The following RAB4B variants were observed in gnomAD, a reference collection of about 807,000 sequenced individuals.
RAB4B encodes ras-related protein Rab-4B.
A neutral mutation model predicts 28.3 loss-of-function variants in RAB4B; 15 were observed. The observed-to-expected ratio is 0.53, with a 90% CI of 0.35 to 0.82. RAB4B has a LOEUF of 0.82. RAB4B is among the 40% of genes least tolerant of loss of function. RAB4B has a pLI of 0.01. For synonymous variants in RAB4B, 108 were observed against 116.3 expected (o/e 0.93, Z 0.46); for missense variants, 244 against 288.5 (o/e 0.85, Z 1.12).
intron 1 of RAB4B, among the ~76,000 whole-genome samples, chr19:40,778,674 G>GT (rs2083018588): frequency 6.6e-6 from 1 of 152,082 alleles, no homozygotes; most frequent in Non-Finnish European, 1.5e-5. Flanking sequence ...GGCCTTAATG[G>GT]ATCTGGGCGG....
At chr19:40,786,643 C>G in intron 5 of RAB4B, 22 bp from the exon 6 acceptor site, 1 of 1,613,620 alleles carries the variant, frequency 6.2e-7, no homozygotes, top group Non-Finnish European at 8.5e-7. Flanking sequence ...GGGCCCTGAC[C>G]TCAGAGTGTG....
At chr19:40,780,326 G>T in intron 2 of RAB4B, 59 bp from the exon 3 acceptor site, 1 of 1,491,812 alleles carries the variant, frequency 6.7e-7, no homozygotes, top group South Asian at 1.2e-5. Flanking sequence ...GAGGATGGGG[G>T]ATCCTCTGAG....
chr19:40,779,093 A>C, intron 1 of RAB4B: 1 of 913,914 alleles, frequency 1.1e-6, no homozygotes, highest in Non-Finnish European at 1.3e-6. Context: ...AATAGACTGA[A>C]GGTCAGGAGC....
At chr19:40,785,197 G>A (rs1342200563) in intron 5 of RAB4B, among the ~76,000 whole-genome samples, 1 of 151,810 alleles carries the variant, frequency 6.6e-6, no homozygotes, top group East Asian at 1.9e-4. Context: ...GCAGCATACT[G>A]ACAACCCACA....
intron 3 of RAB4B, 123 bp from the exon 4 acceptor site, chr19:40,783,655 T>G: frequency 1.0e-5 from 9 of 881,648 alleles, no homozygotes; most frequent in Non-Finnish European, 1.4e-5. Context: ...CAAGGCCAGG[T>G]TTTGGGGGAT....
chr19:40,778,501 G>A (rs2083016595), intron 1 of RAB4B, 110 bp downstream of exon 1: 1 of 1,150,000 alleles, frequency 8.7e-7, no homozygotes, highest in East Asian at 3.1e-5. Flanking sequence ...GTGTGATGGA[G>A]GCAGGACCTA....
chr19:40,786,780 G>A lies in RAB4B; in HGVS notation c.526+20G>A, dbSNP rs768713944. The A allele has an allele frequency of 6.2e-6, 10 of 1,614,076 alleles. No homozygotes were observed. Among genetic ancestry groups the A allele is most frequent in the Non-Finnish European group, 8.5e-6 (10 of 1,179,976 alleles). On this transcript the variant is annotated intron_variant, in intron 6 of 7. Coordinates refer to ENST00000357052, the MANE Select transcript of RAB4B (RefSeq NM_016154.5). ...ACTCAGGTGAGGCCCCGACCGGCCC[G>A]AGTGGGAGCGAAGGGCAGGCCCGGG... is the stretch of plus-strand genomic sequence containing the variant.
intron 7 of RAB4B, among the ~76,000 whole-genome samples, chr19:40,793,648 G>A (rs1428963732): frequency 1.4e-5 from 2 of 147,768 alleles, no homozygotes; most frequent in African/African-American, 2.5e-5. Flanking sequence ...TGGCCTTGCC[G>A]GGCGCAGTGG....
At chr19:40,788,784 CTTTTTTTT>C (rs1173685187) in intron 7 of RAB4B, among the ~76,000 whole-genome samples, 1 of 84,232 alleles carries the variant, frequency 1.2e-5, no homozygotes. Context: ...GACAGGGTTT[CTTTTTTTT>C]TTTTTTTTTT....
chr19:40,791,996 G>A (rs2083164019), intron 7 of RAB4B, among the ~76,000 whole-genome samples: 1 of 152,184 alleles, frequency 6.6e-6, no homozygotes, highest in South Asian at 2.1e-4. Context: ...TTCTCTGGGG[G>A]ATGTGTATGT....
chr19:40,783,642 G>C (rs544889173), intron 3 of RAB4B, 136 bp from the exon 4 acceptor site: 1 of 748,130 alleles, frequency 1.3e-6, no homozygotes, highest in African/African-American at 1.8e-5. Flanking sequence ...ATGGTGACCC[G>C]ACCAAGGCCA....
At position 40,784,058 on chromosome 19, in the gene RAB4B, G is replaced by T; in HGVS notation, c.413G>T (p.Arg138Leu). The change falls in exon 5 of 8, where the codon CGC (arginine) becomes CTC (leucine). Residue 138 changes from arginine (R) to leucine (L), a missense_variant. Coordinates refer to ENST00000357052, the MANE Select transcript of RAB4B (RefSeq NM_016154.5). Reference protein sequence around the residue: ...EREVTFLEASRFAQENELMFL... With the variant: ...EREVTFLEASLFAQENELMFL... ...GAGGTCACTTTCCTGGAGGCCTCCC[G>T]CTTTGCCCAGGAGAATGGTGAGGGC... 1 of 1,612,476 alleles carries T rather than the reference G, an allele frequency of 6.2e-7. No individual in the cohort carries two copies. Among genetic ancestry groups the T allele is most frequent in the Non-Finnish European group, 8.5e-7 (1 of 1,178,848 alleles).
At chr19:40,778,689 T>A (rs1199910235) in intron 1 of RAB4B, among the ~76,000 whole-genome samples, 1 of 151,932 alleles carries the variant, frequency 6.6e-6, no homozygotes, top group African/African-American at 2.4e-5. Flanking sequence ...GGGCGGAGCC[T>A]GAGTGAAGGG....
Position 40,783,852 on chromosome 19 carries a change from G to A in RAB4B, c.275+12G>A. On this transcript the variant is annotated intron_variant, in intron 4 of 7. Transcript: ENST00000357052. The stretch of plus-strand genomic sequence containing the variant: ...TACGACATCACCAGGTGGGTGCCCG[G>A]GGTGGGTGGGGTAGGGCATGGGTGG... 1 of 1,573,554 alleles carries A rather than the reference G, an allele frequency of 6.4e-7. No homozygotes were observed. Among genetic ancestry groups the A allele is most frequent in the Non-Finnish European group, 8.7e-7 (1 of 1,155,274 alleles).
At position 40,784,036 on chromosome 19, in the gene RAB4B, G is replaced by T; in HGVS notation, c.391G>T (p.Val131Phe). The T allele has an allele frequency of 6.2e-7, 1 of 1,613,958 alleles. No individual in the cohort carries two copies. Among genetic ancestry groups the T allele is most frequent in the Non-Finnish European group, 8.5e-7 (1 of 1,179,834 alleles). ...GAAGGACCTGGACCCTGAGCGGGAG[G>T]TCACTTTCCTGGAGGCCTCCCGCTT... ...NKKDLDPERE[V>F]TFLEASRFAQ... Residue 131 changes from valine (V) to phenylalanine (F), a missense_variant, in exon 5 of 8, where the codon GTC becomes TTC. Transcript: ENST00000357052.
Position 40,780,036 on chromosome 19 carries a change from CT to C in RAB4B, c.35del (p.Leu12ArgfsTer2). ...AETYDFLFKF[L>X]VIGSAGTGKS... The stretch of plus-strand genomic sequence containing the variant: ...CTGGTCAGACTTCCTCTTCAAATTC[CT>C]GGTGATTGGCAGTGCAGGAACTGGC... On this transcript the variant is annotated frameshift_variant, in exon 2 of 8. Coordinates refer to ENST00000357052, the MANE Select transcript of RAB4B (RefSeq NM_016154.5). LOFTEE classifies it high-confidence loss of function. 1.2e-6 allele frequency: 2 copies of C among 1,611,712 alleles called. No individual in the cohort carries two copies. The highest frequency in any genetic ancestry group is 1.7e-6 in the Non-Finnish European group (2 of 1,177,798).
At chr19:40,782,936 C>T (rs958172665) in intron 3 of RAB4B, among the ~76,000 whole-genome samples, 1 of 151,936 alleles carries the variant, frequency 6.6e-6, no homozygotes, top group Non-Finnish European at 1.5e-5. Flanking sequence ...CTCAGGGGTT[C>T]GAGATCAGAC....
chr19:40,781,533 G>A (rs1599739545), intron 3 of RAB4B, among the ~76,000 whole-genome samples: 2 of 152,028 alleles, frequency 1.3e-5, no homozygotes, highest in East Asian at 1.9e-4. Flanking sequence ...AGACACACAC[G>A]CCAAGGCAGG....
rs978548067 is a variant in RAB4B at position 40,794,977 on chromosome 19, C to A, written c.*16-1593C>A. On this transcript the variant is annotated intron_variant, in intron 7 of 7. Transcript: ENST00000357052. ...GGCTTGATCTGTAGATCAAGTGAAACCCCGTCTCTACTAAAAATACAAAAA... is the reference window on the plus strand; with the variant it reads ...GGCTTGATCTGTAGATCAAGTGAAAACCCGTCTCTACTAAAAATACAAAAA... Among the ~76,000 whole-genome samples the A allele has an allele frequency of 2.1e-5, 3 of 140,234 alleles. No homozygotes were observed. The Admixed American group carries it at 2.3e-4, about 11-fold the overall frequency. The allele number at this position is 140,234 out of a possible 152,430, so 92.0% of individuals were successfully genotyped here. A position where few individuals can be genotyped will look rare whatever the true frequency, so the allele number is the denominator to read the frequency against.
Sources: gnomAD v4.1 joint callset for allele counts (sites outside exome capture counted in the v4.1 genomes callset) on GRCh38, gnomAD v4.1.1 for gene constraint, MANE v1.5 for transcripts, NCBI Gene and HGNC (gene_info 2026-07-23, HGNC 2026-07-21) for gene names.